Variants in UBE2R2 observed in about 807,000 individuals in gnomAD.
The protein encoded by UBE2R2 is ubiquitin-conjugating enzyme E2 R2.
A neutral mutation model predicts 27.8 loss-of-function variants in UBE2R2; 1 was observed. The observed-to-expected ratio is 0.04, with a 90% CI of 0.01 to 0.17. UBE2R2 has a LOEUF of 0.17. Ranked by LOEUF, UBE2R2 falls within the 10% of genes least tolerant of loss-of-function variation. The pLI is 1.00. For synonymous variants in UBE2R2, 106 were observed against 113.3 expected (o/e 0.94, Z 0.41); for missense variants, 100 against 291.0 (o/e 0.34, Z 4.78).
chr9:33,862,981 G>T (rs1472638013), intron 1 of UBE2R2, among the ~76,000 whole-genome samples: 2 of 152,092 alleles, frequency 1.3e-5, no homozygotes, highest in Non-Finnish European at 2.9e-5. Flanking sequence ...GAGGTCAGGA[G>T]ATTGAGACCA....
chr9:33,825,118 T>A (rs1409960880), intron 1 of UBE2R2, among the ~76,000 whole-genome samples: 1 of 152,050 alleles, frequency 6.6e-6, no homozygotes, highest in Non-Finnish European at 1.5e-5. Context: ...AGATAGTAAG[T>A]GAAAGTATTA....
chr9:33,847,025 T>C (rs1563986960), intron 1 of UBE2R2, among the ~76,000 whole-genome samples: 2 of 151,594 alleles, frequency 1.3e-5, no homozygotes, highest in African/African-American at 2.4e-5. Flanking sequence ...TTTTTTTTTT[T>C]CTGGATATAA....
intron 1 of UBE2R2, among the ~76,000 whole-genome samples, chr9:33,866,919 CCT>C (rs1205731014): frequency 6.6e-6 from 1 of 151,966 alleles, no homozygotes; most frequent in African/African-American, 2.4e-5. Flanking sequence ...TTGCTTGTTC[CCT>C]GTTTTAATGA....
chr9:33,907,629 G>A (rs760107291), intron 3 of UBE2R2, among the ~76,000 whole-genome samples: 10 of 152,176 alleles, frequency 6.6e-5, no homozygotes, highest in African/African-American at 1.9e-4. Context: ...GTGGAGGGGC[G>A]GGGAAAGCAA....
chr9:33,817,607 T>A lies in UBE2R2; in HGVS notation c.-151T>A. ...ACCCCGGGCGGGCCCACGGGCCGTG[T>A]GGGGCCTGGTCTGGCCCGCCGGGTG... On this transcript the variant is annotated 5_prime_UTR_variant, in exon 1 of 5. Coordinates refer to ENST00000263228, the MANE Select transcript of UBE2R2 (RefSeq NM_017811.4). The A allele has an allele frequency of 1.1e-6, 1 of 942,416 alleles. No homozygotes were observed. Among genetic ancestry groups the A allele is most frequent in the Non-Finnish European group, 1.3e-6 (1 of 766,036 alleles). 58.4% of individuals were successfully genotyped at this position (942,416 alleles called of 1,614,324 possible).
chr9:33,862,209 TAAAC>T (rs1487041667), intron 1 of UBE2R2, among the ~76,000 whole-genome samples: 1 of 152,168 alleles, frequency 6.6e-6, no homozygotes, highest in Non-Finnish European at 1.5e-5. Context: ...TTTGGTATGA[TAAAC>T]AACCAAAAGT....
At chr9:33,826,211 A>G (rs1765468884) in intron 1 of UBE2R2, among the ~76,000 whole-genome samples, 1 of 152,120 alleles carries the variant, frequency 6.6e-6, no homozygotes, top group African/African-American at 2.4e-5. Flanking sequence ...TTGTGTTAAT[A>G]TCAACTTTAT....
intron 1 of UBE2R2, among the ~76,000 whole-genome samples, chr9:33,862,756 C>T (rs952819043): frequency 1.3e-5 from 2 of 152,070 alleles, no homozygotes. Context: ...ACTCATATAA[C>T]GCTTTGAAAA....
Position 33,893,857 on chromosome 9 carries a change from C to T in UBE2R2, c.265-6317C>T, listed in dbSNP as rs553409113. Reference sequence around the variant, plus strand: ...ATGTTGGCCAGGCTGATCTAGAACTCCTGGCATCAAGTGATTCACCTGCCT... The same window carrying T: ...ATGTTGGCCAGGCTGATCTAGAACTTCTGGCATCAAGTGATTCACCTGCCT... On this transcript the variant is annotated intron_variant, in intron 2 of 4. Transcript: ENST00000263228. 5.9e-5 allele frequency among the ~76,000 whole-genome samples: 9 copies of T among 152,304 alleles called. No individual in the cohort carries two copies. In the East Asian group the frequency reaches 1.7e-3, roughly 29 times the overall value.
At chr9:33,896,642 G>T (rs2130805589) in intron 2 of UBE2R2, among the ~76,000 whole-genome samples, 1 of 151,204 alleles carries the variant, frequency 6.6e-6, no homozygotes, top group South Asian at 2.1e-4. Context: ...TAGAGACGGG[G>T]TTTCACCGTG....
At chr9:33,845,556 A>C (rs1021714905) in intron 1 of UBE2R2, among the ~76,000 whole-genome samples, 1 of 151,812 alleles carries the variant, frequency 6.6e-6, no homozygotes, top group Non-Finnish European at 1.5e-5. Context: ...CTTGGCCTGG[A>C]TACATTTCTT....
chr9:33,828,630 C>T lies in UBE2R2; in HGVS notation c.177+10696C>T, dbSNP rs554336637. On this transcript the variant is annotated intron_variant, in intron 1 of 4. Coordinates refer to ENST00000263228, the MANE Select transcript of UBE2R2 (RefSeq NM_017811.4). ...AGCCTGGAGTGCAGTGGTGCGAGCT[C>T]GGCTCACTGCAATCTCCGCCTCCCT... is the stretch of plus-strand genomic sequence containing the variant. Among the ~76,000 whole-genome samples the T allele has an allele frequency of 3.5e-4, 53 of 151,712 alleles. 1 individual carries two copies. Among genetic ancestry groups the T allele is most frequent in the African/African-American group, 9.4e-4 (39 of 41,358 alleles).
At chr9:33,909,608 AC>A (rs1340018864) in intron 3 of UBE2R2, among the ~76,000 whole-genome samples, 1 of 152,116 alleles carries the variant, frequency 6.6e-6, no homozygotes, top group Non-Finnish European at 1.5e-5. Flanking sequence ...AGGAGTAGAG[AC>A]GGGGTTTCAC....
At chr9:33,896,789 A>G (rs944412448) in intron 2 of UBE2R2, among the ~76,000 whole-genome samples, 14 of 151,894 alleles carry the variant, frequency 9.2e-5, no homozygotes, top group Non-Finnish European at 1.9e-4. Flanking sequence ...TGTTAAGATA[A>G]TTCCCATCTA....
intron 1 of UBE2R2, among the ~76,000 whole-genome samples, chr9:33,832,345 C>T (rs1325892938): frequency 6.8e-6 from 1 of 147,462 alleles, no homozygotes; most frequent in African/African-American, 2.5e-5. Context: ...TATTTAATAC[C>T]CTTTGGTTGA....
chr9:33,828,395 T>C (rs1392167898), intron 1 of UBE2R2, among the ~76,000 whole-genome samples: 1 of 90,664 alleles, frequency 1.1e-5, no homozygotes, highest in Non-Finnish European at 2.3e-5. Flanking sequence ...CTCTTAAAAC[T>C]TTTTTTTTTT....
chr9:33,839,948 A>G (rs1314184383), intron 1 of UBE2R2, among the ~76,000 whole-genome samples: 1 of 152,036 alleles, frequency 6.6e-6, no homozygotes, highest in Non-Finnish European at 1.5e-5. Context: ...GTGAGCTATG[A>G]TTGTGCCATT....
At chr9:33,817,142 C>G (rs1825794885), upstream of UBE2R2, among the ~76,000 whole-genome samples, 1 of 149,520 alleles carries the variant, frequency 6.7e-6, no homozygotes, top group Non-Finnish European at 1.5e-5. Context: ...CCCTCTCTCC[C>G]TCCCTCCCTC....
chr9:33,853,007 C>T (rs887878284), intron 1 of UBE2R2, among the ~76,000 whole-genome samples: 2 of 147,952 alleles, frequency 1.4e-5, no homozygotes, highest in Non-Finnish European at 3.0e-5. Flanking sequence ...GACTCTGTCT[C>T]AAATAAATAA....
Sources: gnomAD v4.1 joint callset for allele counts (sites outside exome capture counted in the v4.1 genomes callset) on GRCh38, gnomAD v4.1.1 for gene constraint, MANE v1.5 for transcripts, NCBI Gene and HGNC (gene_info 2026-07-23, HGNC 2026-07-21) for gene names.